SNTG2: variants seen among roughly 807,000 people sequenced by gnomAD.
SNTG2 encodes the protein syntrophin gamma 2, also known as gamma-2-syntrophin.
SNTG2 carries 74 observed loss-of-function variants against 70.9 expected under a neutral mutation model. That is an observed-to-expected ratio of 1.04 (90% CI 0.86 to 1.27). SNTG2 has a LOEUF of 1.27. Among genes scored for constraint, SNTG2 ranks in the 50% most tolerant of loss-of-function variants. The pLI, the probability that SNTG2 is intolerant of heterozygous loss-of-function variation, is 0.00. For synonymous variants in SNTG2, 278 were observed against 273.8 expected, an observed-to-expected ratio of 1.02 and a Z score of -0.15; for missense variants, 717 against 690.7, an observed-to-expected ratio of 1.04 and a Z score of -0.43.
At chr2:1,237,419 T>C (rs1676738941) in intron 9 of SNTG2, among the ~76,000 whole-genome samples, 1 of 151,908 alleles carries the variant, frequency 6.6e-6, no homozygotes, top group African/African-American at 2.4e-5. Flanking sequence ...GCAAGTGGAG[T>C]GTCATGGAGC....
Position 1,145,442 on chromosome 2 carries a change from C to T in SNTG2, c.411+7633C>T, listed in dbSNP as rs1172859800. Among the ~76,000 whole-genome samples, 3 of 152,120 alleles carry T rather than the reference C, an allele frequency of 2.0e-5. No individual in the cohort carries two copies. The East Asian group carries it at 5.8e-4, about 29-fold the overall frequency. On this transcript the variant is annotated intron_variant, in intron 6 of 16. Coordinates refer to ENST00000308624, the MANE Select transcript of SNTG2 (RefSeq NM_018968.4). ...GACATGACATACACCTCTATGCTGA[C>T]AAATTTGATAACCTGGATAAAATGC...
At chr2:1,098,454 G>T (rs779924505) in intron 4 of SNTG2, 44 bp downstream of exon 4, 7 of 1,565,790 alleles carry the variant, frequency 4.5e-6, no homozygotes, top group Non-Finnish European at 5.3e-6. Flanking sequence ...ACAGCCATTT[G>T]TGAGATAACA....
intron 14 of SNTG2, among the ~76,000 whole-genome samples, chr2:1,304,482 T>C (rs1016146724): frequency 1.3e-5 from 2 of 152,148 alleles, no homozygotes; most frequent in South Asian, 4.1e-4. Context: ...ATCTCAGCAC[T>C]TTGGGAGGCC....
intron 2 of SNTG2, among the ~76,000 whole-genome samples, chr2:1,085,633 A>G (rs749092711): frequency 1.3e-5 from 2 of 152,266 alleles, no homozygotes; most frequent in African/African-American, 2.4e-5. Context: ...AACAAAGCCA[A>G]CAGGTCTCTA....
intron 1 of SNTG2, among the ~76,000 whole-genome samples, chr2:954,347 C>G (rs1660075013): frequency 6.6e-6 from 1 of 151,864 alleles, no homozygotes; most frequent in Admixed American, 6.5e-5. Context: ...GATTCCAAAT[C>G]CCTCAGAAAC....
At chr2:1,263,983 A>G (rs1242242016) in intron 13 of SNTG2, among the ~76,000 whole-genome samples, 1 of 125,374 alleles carries the variant, frequency 8.0e-6, no homozygotes, top group East Asian at 2.0e-4. Context: ...TTGACCTTTG[A>G]ACAATATGGG....
intron 16 of SNTG2, among the ~76,000 whole-genome samples, chr2:1,334,837 G>C (rs1323033893): frequency 6.6e-6 from 1 of 152,170 alleles, no homozygotes; most frequent in Admixed American, 6.5e-5. Flanking sequence ...ATTGGGTATA[G>C]TGTACACTGC....
chr2:1,235,445 C>T (rs1470589129), intron 9 of SNTG2, among the ~76,000 whole-genome samples: 3 of 69,406 alleles, frequency 4.3e-5, no homozygotes, highest in African/African-American at 1.8e-4. Flanking sequence ...TGAGAGGGGG[C>T]GCCCCTACCC....
intron 9 of SNTG2, among the ~76,000 whole-genome samples, chr2:1,225,209 A>G (rs1183379423): frequency 6.6e-6 from 1 of 152,218 alleles, no homozygotes; most frequent in Non-Finnish European, 1.5e-5. Flanking sequence ...CTTTCTTCAT[A>G]GGATGATTGT....
In SNTG2 at chr2:1,002,579, A is replaced by G. The variant is rs191649742; in HGVS notation, c.72+51511A>G. On this transcript the variant is annotated intron_variant, in intron 1 of 16. Transcript: ENST00000308624. ...CCGCCTTATACCAGTCAGAATAGCT[A>G]TTATTAAAAATTAAAAACAGATGTG... 7.2e-4 allele frequency among the ~76,000 whole-genome samples: 110 copies of G among 152,188 alleles called. 1 individual carries two copies. The highest frequency in any genetic ancestry group is 6.8e-3 in the Admixed American group (104 of 15,288).
chr2:1,167,095 A>G (rs1670760890), intron 7 of SNTG2, among the ~76,000 whole-genome samples: 1 of 152,260 alleles, frequency 6.6e-6, no homozygotes, highest in Non-Finnish European at 1.5e-5. Context: ...TGTCCTTGCG[A>G]TAAGGCAGAG....
At chr2:1,244,479 G>A (rs1008832661) in intron 11 of SNTG2, among the ~76,000 whole-genome samples, 1 of 151,990 alleles carries the variant, frequency 6.6e-6, no homozygotes, top group African/African-American at 2.4e-5. Context: ...GGCGGATCAC[G>A]AGGGCAGGAG....
chr2:1,230,902 C>T (rs115346446), intron 9 of SNTG2, among the ~76,000 whole-genome samples: 6,087 of 152,156 alleles, frequency 0.04, 162 homozygotes, highest in Non-Finnish European at 0.061. Context: ...GTGCCTCTTC[C>T]GTAGGGTCAC....
chr2:1,238,794 G>A (rs1460353306), intron 10 of SNTG2, among the ~76,000 whole-genome samples: 1 of 152,190 alleles, frequency 6.6e-6, no homozygotes, highest in Non-Finnish European at 1.5e-5. Context: ...TCGCAGCCTG[G>A]AGGCTGCAGA....
At chr2:1,158,793 A>G (rs62106021) in intron 6 of SNTG2, among the ~76,000 whole-genome samples, 7,033 of 152,254 alleles carry the variant, frequency 0.046, 252 homozygotes, top group South Asian at 0.18. Context: ...GTCGTTGCCA[A>G]TCGTGGTAAG....
chr2:1,366,004 G>C (rs1661460357), intron 16 of SNTG2, among the ~76,000 whole-genome samples: 1 of 151,820 alleles, frequency 6.6e-6, no homozygotes, highest in Admixed American at 6.6e-5. Flanking sequence ...CCAAGATCCT[G>C]CCTTTCGAGA....
At chr2:973,111 T>C (rs1172207116) in intron 1 of SNTG2, among the ~76,000 whole-genome samples, 1 of 152,344 alleles carries the variant, frequency 6.6e-6, no homozygotes, top group East Asian at 1.9e-4. Flanking sequence ...TCAGTAATTC[T>C]TATAGCAAAT....
intron 1 of SNTG2, among the ~76,000 whole-genome samples, chr2:1,006,344 A>G (rs995789678): frequency 2.0e-5 from 3 of 152,166 alleles, no homozygotes; most frequent in Admixed American, 6.5e-5. Flanking sequence ...TTGATTATAT[A>G]CATATTAGTG....
chr2:1,204,437 T>C (rs952200098), intron 8 of SNTG2, among the ~76,000 whole-genome samples: 3 of 152,238 alleles, frequency 2.0e-5, no homozygotes, highest in Non-Finnish European at 2.9e-5. Context: ...ACCAAGTGTA[T>C]GGTGATGCCT....
Sources: gnomAD v4.1 joint callset for allele counts (sites outside exome capture counted in the v4.1 genomes callset) on GRCh38, gnomAD v4.1.1 for gene constraint, MANE v1.5 for transcripts, NCBI Gene and HGNC (gene_info 2026-07-23, HGNC 2026-07-21) for gene names.